MOB1A: variants seen among roughly 807,000 people sequenced by gnomAD.
The protein encoded by MOB1A is MOB kinase activator 1A.
In MOB1A, 10 loss-of-function variants were observed where a neutral mutation model predicts 25.1. The observed-to-expected ratio is 0.40, with a 90% CI of 0.25 to 0.68. The LOEUF (loss-of-function observed/expected upper bound fraction) is 0.68, where lower values mean the gene tolerates loss of function less well. Among genes scored for constraint, MOB1A ranks in the 30% least tolerant of loss-of-function variants. The pLI is 0.40. For synonymous variants in MOB1A, 81 were observed against 79.5 expected, an observed-to-expected ratio of 1.02 and a Z score of -0.10; for missense variants, 177 against 256.3, an observed-to-expected ratio of 0.69 and a Z score of 2.11.
chr2:74,158,595 C>A (rs1692869901), intron 5 of MOB1A, among the ~76,000 whole-genome samples: 1 of 151,996 alleles, frequency 6.6e-6, no homozygotes, highest in African/African-American at 2.4e-5. Context: ...GCCTGGCCAA[C>A]ATGGGAAACC....
chr2:74,153,677 A>G lies in MOB1A; in HGVS notation c.*2891T>C, dbSNP rs1323282850. On this transcript the variant is annotated 3_prime_UTR_variant, in exon 6 of 6. Transcript: ENST00000396049. ...ACAAGTGTTTTTTGAAGGCCTGAAA[A>G]TTAAAGCACCATAGGATTAACTGCA... 6.6e-6 allele frequency: 1 copy of G among 152,240 alleles called. No homozygotes were observed. Among genetic ancestry groups the G allele is most frequent in the South Asian group, 2.1e-4 (1 of 4,834 alleles). 9.4% of individuals were successfully genotyped at this position (152,240 alleles called of 1,614,324 possible).
chr2:74,173,984 C>T (rs1382282741), intron 1 of MOB1A, among the ~76,000 whole-genome samples: 1 of 145,684 alleles, frequency 6.9e-6, no homozygotes, highest in African/African-American at 2.6e-5. Flanking sequence ...ATGATGGGGC[C>T]ATGGCTAGGT....
In MOB1A at chr2:74,176,274, T is replaced by TC. The variant is rs1310125591; in HGVS notation, c.14+2386dup. Among the ~76,000 whole-genome samples the TC allele has an allele frequency of 3.5e-4, 6 of 17,072 alleles. No individual in the cohort carries two copies. In the East Asian group the frequency reaches 6.3e-3, roughly 18 times the overall value. The allele number at this position is 17,072 out of a possible 152,430, so 11.2% of individuals were successfully genotyped here. A position where few individuals can be genotyped will look rare whatever the true frequency, so the allele number is the denominator to read the frequency against. On this transcript the variant is annotated intron_variant, in intron 1 of 5. Coordinates refer to ENST00000396049, the MANE Select transcript of MOB1A (RefSeq NM_018221.5). ...CTAGGCAACAGAGTGAGACCCTGTC[T>TC]CAAAAAAAAAAAAAAAAAAAAAAAG...
chr2:74,159,320 G>A (rs923739004), intron 4 of MOB1A, 66 bp from the exon 5 acceptor site: 1 of 1,430,372 alleles, frequency 7.0e-7, no homozygotes, highest in African/African-American at 1.4e-5. Context: ...GTTTATTTGT[G>A]ACAGGGTCTC....
chr2:74,163,196 G>A (rs150689146), intron 4 of MOB1A, among the ~76,000 whole-genome samples: 25 of 152,168 alleles, frequency 1.6e-4, no homozygotes, highest in African/African-American at 4.3e-4. Flanking sequence ...ATAAGCAAGC[G>A]TAAAAACAAG....
At chr2:74,158,202 G>GGA (rs1553444322) in intron 5 of MOB1A, among the ~76,000 whole-genome samples, 45 of 135,994 alleles carry the variant, frequency 3.3e-4, no homozygotes, top group African/African-American at 7.5e-4. Flanking sequence ...AAAGAGGGGG[G>GGA]AAAAAAAAAA....
chr2:74,160,282 G>C (rs952991413), intron 4 of MOB1A, among the ~76,000 whole-genome samples: 1 of 152,108 alleles, frequency 6.6e-6, no homozygotes, highest in African/African-American at 2.4e-5. Context: ...ATAAGCCTGA[G>C]TTCAAGATAA....
intron 5 of MOB1A, among the ~76,000 whole-genome samples, chr2:74,158,554 C>T (rs1692868020): frequency 6.6e-6 from 1 of 151,874 alleles, no homozygotes; most frequent in South Asian, 2.1e-4. Context: ...CTTTGGGAGG[C>T]CGAGGTGGGT....
chr2:74,160,185 C>CTA (rs1156896806), intron 4 of MOB1A, among the ~76,000 whole-genome samples: 2 of 152,112 alleles, frequency 1.3e-5, no homozygotes, highest in Non-Finnish European at 2.9e-5. Context: ...ATTTGTAACT[C>CTA]TAAAGAAATT....
intron 1 of MOB1A, among the ~76,000 whole-genome samples, chr2:74,174,269 C>CA (rs760925429): frequency 0.078 from 6,274 of 80,374 alleles, 566 homozygotes; most frequent in African/African-American, 0.22. Flanking sequence ...GACTCCGTCT[C>CA]AAAAAAAAAA....
intron 4 of MOB1A, among the ~76,000 whole-genome samples, 197 bp from the exon 5 acceptor site, chr2:74,159,451 A>G (rs551972344): frequency 1.1e-3 from 167 of 152,032 alleles, no homozygotes; most frequent in Non-Finnish European, 1.9e-3. Context: ...ATGCCCAGCT[A>G]ATTTTTTGTA....
At chr2:74,170,517 C>G (rs536752128) in intron 2 of MOB1A, among the ~76,000 whole-genome samples, 42 of 151,662 alleles carry the variant, frequency 2.8e-4, no homozygotes, top group African/African-American at 9.4e-4. Flanking sequence ...GGTGGATTAC[C>G]TGAAGTCAGG....
intron 3 of MOB1A, among the ~76,000 whole-genome samples, chr2:74,166,595 G>A (rs932029611): frequency 2.0e-5 from 3 of 152,112 alleles, no homozygotes; most frequent in Admixed American, 2.0e-4. Flanking sequence ...AGCACTTTGC[G>A]AGGCCGAGGT....
Position 74,159,274 on chromosome 2 carries a change from T to C in MOB1A, c.410-20A>G, listed in dbSNP as rs371797309. On this transcript the variant is annotated intron_variant, in intron 4 of 5. Coordinates refer to ENST00000396049, the MANE Select transcript of MOB1A (RefSeq NM_018221.5). ...GGACACCTGCAATTAAATACACATA[T>C]GAAACAATTATTTGGTTATCTAACA... is the stretch of plus-strand genomic sequence containing the variant. 24 of 1,606,152 alleles carry C rather than the reference T, an allele frequency of 1.5e-5. No homozygotes were observed. In the African/African-American group the frequency reaches 3.1e-4, roughly 21 times the overall value.
At chr2:74,172,026 TGA>T (rs1693308732) in intron 2 of MOB1A, among the ~76,000 whole-genome samples, 2 of 152,196 alleles carry the variant, frequency 1.3e-5, no homozygotes, top group South Asian at 4.1e-4. Context: ...ATCTCAGAAA[TGA>T]GAGACTCTCA....
intron 2 of MOB1A, among the ~76,000 whole-genome samples, chr2:74,171,813 G>C (rs990312709): frequency 2.6e-5 from 4 of 152,210 alleles, no homozygotes; most frequent in Non-Finnish European, 5.9e-5. Context: ...TGAGACAGGA[G>C]AATGGCTTGA....
At position 74,178,709 on chromosome 2, in the gene MOB1A, GC is replaced by G; in HGVS notation, c.-36del. ...TCAGAGGGGAGGCGAGGGGCCCCTG[GC>G]CCCCGCCTGGATCAGGATTCGGAGC... On this transcript the variant is annotated 5_prime_UTR_variant, in exon 1 of 6. Coordinates refer to ENST00000396049, the MANE Select transcript of MOB1A (RefSeq NM_018221.5). 3.3e-6 allele frequency: 4 copies of G among 1,219,850 alleles called. No homozygotes were observed. Among genetic ancestry groups the G allele is most frequent in the South Asian group, 2.5e-5 (1 of 40,092 alleles). The allele number at this position is 1,219,850 out of a possible 1,614,324, so 75.6% of individuals were successfully genotyped here. A position where few individuals can be genotyped will look rare whatever the true frequency, so the allele number is the denominator to read the frequency against.
intron 2 of MOB1A, among the ~76,000 whole-genome samples, chr2:74,169,946 A>G (rs56005021): frequency 0.14 from 21,531 of 151,888 alleles, 1,810 homozygotes; most frequent in East Asian, 0.38. Context: ...TACTTTTTTA[A>G]TTAACACAGA....
chr2:74,159,363 C>T (rs566071640), intron 4 of MOB1A, 109 bp from the exon 5 acceptor site: 2 of 964,946 alleles, frequency 2.1e-6, no homozygotes, highest in Non-Finnish European at 3.2e-6. Flanking sequence ...GCAATCTCAG[C>T]TCACTGCAGC....
Sources: allele counts gnomAD v4.1 joint callset (sites outside exome capture counted in the v4.1 genomes callset), GRCh38; gene constraint gnomAD v4.1.1; transcripts MANE v1.5; gene names NCBI Gene and HGNC (gene_info 2026-07-23, HGNC 2026-07-21).